DPP10: variants seen among roughly 807,000 people sequenced by gnomAD.
DPP10 encodes the protein dipeptidyl peptidase like 10, also known as inactive dipeptidyl peptidase 10.
Under a neutral mutation model 120.9 loss-of-function variants are expected in DPP10, and 33 were observed. That is an observed-to-expected ratio of 0.27 (90% CI 0.21 to 0.37). The LOEUF is 0.37. Among genes scored for constraint, DPP10 ranks in the 10% least tolerant of loss-of-function variants. The pLI is 1.00. For synonymous variants in DPP10, 337 were observed against 326.1 expected (o/e 1.03, Z -0.36); for missense variants, 816 against 942.8 (o/e 0.87, Z 1.76).
intron 1 of DPP10, among the ~76,000 whole-genome samples, chr2:115,183,343 T>C (rs1351631661): frequency 6.6e-6 from 1 of 152,200 alleles, no homozygotes; most frequent in Non-Finnish European, 1.5e-5. Flanking sequence ...TAAAGCCACG[T>C]GTGCATTTTA....
intron 20 of DPP10, 27 bp downstream of exon 20, chr2:115,815,014 T>C (rs780372773): frequency 1.9e-6 from 3 of 1,564,082 alleles, no homozygotes; most frequent in Non-Finnish European, 2.6e-6. Context: ...TTTTCTTCTC[T>C]GTTTTCTATA....
intron 4 of DPP10, among the ~76,000 whole-genome samples, chr2:115,525,282 T>C (rs572481564): frequency 3.9e-5 from 6 of 152,264 alleles, no homozygotes; most frequent in African/African-American, 1.2e-4. Context: ...TGTTTCATTG[T>C]GTAGTTTAAA....
intron 1 of DPP10, among the ~76,000 whole-genome samples, chr2:114,568,328 T>C (rs1333046057): frequency 6.6e-6 from 1 of 152,186 alleles, no homozygotes; most frequent in African/African-American, 2.4e-5. Context: ...TCTGGTTACT[T>C]TGAAATAATC....
At chr2:115,116,008 A>C (rs1441039878) in intron 1 of DPP10, among the ~76,000 whole-genome samples, 1 of 152,198 alleles carries the variant, frequency 6.6e-6, no homozygotes, top group Non-Finnish European at 1.5e-5. Context: ...GGGTAACTGA[A>C]GCATTCTCTA....
intron 1 of DPP10, among the ~76,000 whole-genome samples, chr2:114,904,622 T>C (rs755258762): frequency 3.9e-5 from 6 of 152,206 alleles, no homozygotes; most frequent in Non-Finnish European, 8.8e-5. Flanking sequence ...ATGGTGTGAC[T>C]GGACTATCAC....
At chr2:115,840,363 G>A (rs947622474) in intron 24 of DPP10, among the ~76,000 whole-genome samples, 53 of 111,932 alleles carry the variant, frequency 4.7e-4, no homozygotes, top group African/African-American at 1.6e-3. Context: ...TTGCTCTGTC[G>A]CCCAGGCTGG....
At position 115,844,775 on chromosome 2, in the gene DPP10, C is replaced by A. The variant is rs1239916877; in HGVS notation, c.*2430C>A. ...AAGAAAAAAATCAATATATTGAATT[C>A]TTTAATTAAATAGGTAAGCAGTATT... On this transcript the variant is annotated 3_prime_UTR_variant, in exon 26 of 26. Transcript: ENST00000410059. The A allele has an allele frequency of 6.6e-6, 1 of 152,104 alleles. No individual in the cohort carries two copies. The highest frequency in any genetic ancestry group is 2.4e-5 in the African/African-American group (1 of 41,432). The allele number at this position is 152,104 out of a possible 1,614,324, so 9.4% of individuals were successfully genotyped here.
At chr2:114,460,040 T>A (rs1467611954) in intron 1 of DPP10, among the ~76,000 whole-genome samples, 1 of 152,182 alleles carries the variant, frequency 6.6e-6, no homozygotes, top group African/African-American at 2.4e-5. Context: ...CCAAGAAAAA[T>A]GTCTTCTATT....
At chr2:114,470,285 C>G (rs1005772238) in intron 1 of DPP10, among the ~76,000 whole-genome samples, 1 of 152,148 alleles carries the variant, frequency 6.6e-6, no homozygotes, top group Non-Finnish European at 1.5e-5. Context: ...ATTTAAGACA[C>G]TAGTTCCCAG....
At chr2:114,933,762 G>C (rs890488402) in intron 1 of DPP10, among the ~76,000 whole-genome samples, 4 of 152,112 alleles carry the variant, frequency 2.6e-5, no homozygotes, top group African/African-American at 9.7e-5. Flanking sequence ...ATTGCCTTGG[G>C]GACTGTTTAC....
At chr2:115,319,137 T>C (rs2061939636) in intron 2 of DPP10, among the ~76,000 whole-genome samples, 1 of 152,130 alleles carries the variant, frequency 6.6e-6, no homozygotes, top group Non-Finnish European at 1.5e-5. Context: ...TCAAATAGAT[T>C]TTATCAATAA....
rs138206500 is a variant in DPP10, at chr2:115,622,496, T to C, written c.442-67191T>C. The stretch of plus-strand genomic sequence containing the variant: ...CATCCACGCAAAAGGTTTTTCAGTG[T>C]TTCATTTTATTGTCTTTTTTTTTTT... On this transcript the variant is annotated intron_variant, in intron 5 of 25. Transcript: ENST00000410059. 2.1e-3 allele frequency among the ~76,000 whole-genome samples: 300 copies of C among 142,364 alleles called. 1 individual carries two copies. Among genetic ancestry groups the C allele is most frequent in the African/African-American group, 7.5e-3 (294 of 39,082 alleles). 93.4% of individuals were successfully genotyped at this position (142,364 alleles called of 152,430 possible).
chr2:115,535,926 G>T (rs1575119945), intron 5 of DPP10, among the ~76,000 whole-genome samples: 1 of 151,822 alleles, frequency 6.6e-6, no homozygotes, highest in Admixed American at 6.6e-5. Context: ...TCTGTTGTTG[G>T]TGTATAAGAA....
intron 5 of DPP10, among the ~76,000 whole-genome samples, chr2:115,681,417 A>G (rs1047023129): frequency 1.3e-5 from 2 of 151,874 alleles, no homozygotes; most frequent in Non-Finnish European, 3.0e-5. Flanking sequence ...AGTGTTATGC[A>G]AAGTTACAAA....
At chr2:115,424,352 A>G (rs2070260441) in intron 3 of DPP10, among the ~76,000 whole-genome samples, 1 of 152,076 alleles carries the variant, frequency 6.6e-6, no homozygotes, top group South Asian at 2.1e-4. Context: ...TTATAAAATA[A>G]TGATTGGATT....
intron 3 of DPP10, among the ~76,000 whole-genome samples, chr2:115,497,194 T>A (rs1558758161): frequency 6.6e-6 from 1 of 152,136 alleles, no homozygotes; most frequent in African/African-American, 2.4e-5. Flanking sequence ...CAGGCCTCTT[T>A]CATAATTTCA....
At chr2:114,824,105 G>A (rs2106368684) in intron 1 of DPP10, among the ~76,000 whole-genome samples, 1 of 152,276 alleles carries the variant, frequency 6.6e-6, no homozygotes, top group South Asian at 2.1e-4. Context: ...AAATTCTCTG[G>A]AGTTTTAACC....
At chr2:115,413,093 A>G (rs537070255) in intron 3 of DPP10, among the ~76,000 whole-genome samples, 33 of 152,156 alleles carry the variant, frequency 2.2e-4, no homozygotes, top group African/African-American at 7.5e-4. Context: ...TGACCTAAGG[A>G]CCACCCAGCA....
At chr2:114,457,425 G>T (rs1211401805) in intron 1 of DPP10, among the ~76,000 whole-genome samples, 1 of 152,146 alleles carries the variant, frequency 6.6e-6, no homozygotes, top group African/African-American at 2.4e-5. Context: ...TGGCTTACAT[G>T]GTAGCTGTTG....
Sources: allele counts gnomAD v4.1 joint callset (sites outside exome capture counted in the v4.1 genomes callset), GRCh38; gene constraint gnomAD v4.1.1; transcripts MANE v1.5; gene names NCBI Gene and HGNC (gene_info 2026-07-23, HGNC 2026-07-21).